Variants in RBM26 observed in about 807,000 individuals in gnomAD.
RBM26 encodes the protein RNA-binding protein 26.
In RBM26, 30 loss-of-function variants were observed where a neutral mutation model predicts 123.6. That is an observed-to-expected ratio of 0.24 (90% CI 0.18 to 0.33). The LOEUF is 0.33. Ranked by LOEUF, RBM26 falls within the 10% of genes least tolerant of loss-of-function variation. The probability of loss-of-function intolerance (pLI) is 1.00; values close to 1 mark genes in which losing one functional copy is unlikely to be tolerated. For missense variants in RBM26, 947 were observed against 1,203.6 expected (o/e 0.79, Z 3.15); for synonymous variants, 400 against 404.4 (o/e 0.99, Z 0.13).
chr13:79,378,975 C>T (rs948022741), intron 1 of RBM26, 68 bp from the exon 2 acceptor site: 90 of 955,170 alleles, frequency 9.4e-5, no homozygotes, highest in Non-Finnish European at 1.4e-4. Flanking sequence ...CAGTTACAAA[C>T]TGAATTAGTG....
intron 1 of RBM26, chr13:79,389,555 G>A (rs1249627959): frequency 2.6e-5 from 4 of 152,186 alleles, no homozygotes; most frequent in South Asian, 2.1e-4. Context: ...TCTCATCCAT[G>A]TACTAACCAA....
At chr13:79,394,795 G>A (rs749078945) in intron 1 of RBM26, among the ~76,000 whole-genome samples, 17 of 152,038 alleles carry the variant, frequency 1.1e-4, no homozygotes, top group Non-Finnish European at 1.5e-4. Context: ...AACAACACCC[G>A]GCTAATTTTT....
chr13:79,344,490 G>A (rs935911309), intron 15 of RBM26, among the ~76,000 whole-genome samples, 168 bp from the exon 16 acceptor site: 2 of 151,978 alleles, frequency 1.3e-5, no homozygotes, highest in Admixed American at 6.6e-5. Context: ...ATTAATCACA[G>A]GAACCTTTCT....
intron 21 of RBM26, among the ~76,000 whole-genome samples, chr13:79,321,210 G>C (rs2067639719): frequency 6.6e-6 from 1 of 151,104 alleles, no homozygotes; most frequent in African/African-American, 2.4e-5. Flanking sequence ...TTCTCAGACT[G>C]CTATTTCAAA....
At position 79,322,335 on chromosome 13, in the gene RBM26, A is replaced by G. The variant is rs773072368; in HGVS notation, c.2934+14T>C. 6 of 1,504,732 alleles carry G rather than the reference A, an allele frequency of 4.0e-6. No individual in the cohort carries two copies. The highest frequency in any genetic ancestry group is 2.3e-5 in the Admixed American group (1 of 43,814). The allele number at this position is 1,504,732 out of a possible 1,614,324, so 93.2% of individuals were successfully genotyped here. A position where few individuals can be genotyped will look rare whatever the true frequency, so the allele number is the denominator to read the frequency against. On this transcript the variant is annotated intron_variant, in intron 21 of 21. Transcript: ENST00000438737. The stretch of plus-strand genomic sequence containing the variant: ...CGATTAAGGGTAAAAATAAGTGGAA[A>G]AAAAATAACATACTTCTTCTTCATC...
At chr13:79,371,776 G>T (rs1443077528) in intron 4 of RBM26, 66 bp downstream of exon 4, 32 of 1,157,862 alleles carry the variant, frequency 2.8e-5, no homozygotes, top group Non-Finnish European at 3.9e-5. Flanking sequence ...GATAACCCAA[G>T]TCTAAACATT....
rs2075250314 is a variant in RBM26 at position 79,366,158 on chromosome 13, G to A, written c.1173C>T (p.Gly391=). The part of the protein sequence containing the change: ...PPPLPPLQPS[G]MDAPPNSATS... ...TTGCAGAGTTTGGAGGAGCATCCATGCCAGATGGCTGCAAAGGAGGAAGTG... is the reference window on the plus strand; with the variant it reads ...TTGCAGAGTTTGGAGGAGCATCCATACCAGATGGCTGCAAAGGAGGAAGTG... The change falls in exon 8 of 22, where the codon GGC becomes GGT. Residue 391 remains glycine (G), a synonymous_variant. Transcript: ENST00000438737. 2 of 1,613,484 alleles carry A rather than the reference G, an allele frequency of 1.2e-6. No individual in the cohort carries two copies. The highest frequency in any genetic ancestry group is 1.7e-6 in the Non-Finnish European group (2 of 1,179,470).
intron 14 of RBM26, among the ~76,000 whole-genome samples, chr13:79,347,034 A>G (rs1364894941): frequency 2.0e-5 from 3 of 152,234 alleles, no homozygotes; most frequent in Admixed American, 6.5e-5. Flanking sequence ...CATATAATTT[A>G]TTTAACCAAG....
At chr13:79,374,101 G>A (rs189123741) in intron 3 of RBM26, among the ~76,000 whole-genome samples, 1 of 152,148 alleles carries the variant, frequency 6.6e-6, no homozygotes, top group Non-Finnish European at 1.5e-5. Flanking sequence ...GGTAGTCTAC[G>A]CACAGGGTAC....
At chr13:79,403,979 G>A (rs949235229) in intron 1 of RBM26, among the ~76,000 whole-genome samples, 2 of 150,674 alleles carry the variant, frequency 1.3e-5, no homozygotes, top group African/African-American at 4.9e-5. Context: ...TCCTGCCTCA[G>A]TACTAGGCCC....
chr13:79,351,612 GA>G (rs1170473385), intron 14 of RBM26, among the ~76,000 whole-genome samples: 5 of 127,280 alleles, frequency 3.9e-5, no homozygotes, highest in African/African-American at 8.7e-5. Flanking sequence ...GGCGGGGGGG[GA>G]AATGCACTCC....
chr13:79,375,890 C>A lies in RBM26; in HGVS notation c.327+1489G>T, dbSNP rs552575289. Among the ~76,000 whole-genome samples the A allele has an allele frequency of 5.3e-5, 8 of 151,962 alleles. 1 individual carries two copies. In the South Asian group the frequency reaches 1.7e-3, roughly 32 times the overall value. On this transcript the variant is annotated intron_variant, in intron 3 of 21. Transcript: ENST00000438737. ...TCACAACATCAACATCTCTTACAAT[C>A]TCAAAAATGACAGCAGCTACCATTT...
intron 9 of RBM26, among the ~76,000 whole-genome samples, chr13:79,362,336 C>A (rs530662184): frequency 6.6e-6 from 1 of 152,116 alleles, no homozygotes; most frequent in African/African-American, 2.4e-5. Context: ...ATTCTTTCCA[C>A]TAAACTTATT....
chr13:79,371,936 T>TTAAA lies in RBM26; in HGVS notation c.328-7_328-6insTTTA. 1 of 1,300,328 alleles carries TTAAA rather than the reference T, an allele frequency of 7.7e-7. No individual in the cohort carries two copies. The allele number at this position is 1,300,328 out of a possible 1,614,324, so 80.5% of individuals were successfully genotyped here. ...CGCTCTTCCTCCTTAGTGATCTGATTAAAAAAAAAAAAAAAAGTGTACAAG... is the reference window on the plus strand; with the variant it reads ...CGCTCTTCCTCCTTAGTGATCTGATTTAAAAAAAAAAAAAAAAAAAGTGTACAAG... On this transcript the variant is annotated splice_polypyrimidine_tract_variant and splice_region_variant and intron_variant, in intron 3 of 21. Transcript: ENST00000438737.
At chr13:79,328,625 T>G (rs1341940581) in intron 20 of RBM26, among the ~76,000 whole-genome samples, 3 of 123,550 alleles carry the variant, frequency 2.4e-5, no homozygotes, top group African/African-American at 9.6e-5. Context: ...AAATGAAAAT[T>G]CATAAAAATA....
chr13:79,362,511 G>GT (rs1469011949), intron 9 of RBM26, among the ~76,000 whole-genome samples: 1 of 152,102 alleles, frequency 6.6e-6, no homozygotes, highest in Non-Finnish European at 1.5e-5. Context: ...TACATAGGCT[G>GT]TATCTATTCT....
chr13:79,363,215 A>C (rs568714935), intron 9 of RBM26, among the ~76,000 whole-genome samples: 2 of 152,348 alleles, frequency 1.3e-5, no homozygotes, highest in South Asian at 4.1e-4. Context: ...AGTAAGCATA[A>C]AAGTTTAACT....
chr13:79,392,017 CATT>C (rs1422479688), intron 1 of RBM26, among the ~76,000 whole-genome samples: 18 of 83,672 alleles, frequency 2.2e-4, no homozygotes, highest in South Asian at 5.5e-4. Flanking sequence ...ATATATTATA[CATT>C]ATTATATAAT....
intron 8 of RBM26, 168 bp from the exon 9 acceptor site, chr13:79,365,886 G>GA (rs2075214538): frequency 4.2e-6 from 4 of 954,934 alleles, no homozygotes; most frequent in Non-Finnish European, 6.1e-6. Context: ...AAAAGAAAAT[G>GA]TTTTTTTGAA....
Sources: allele counts gnomAD v4.1 joint callset (sites outside exome capture counted in the v4.1 genomes callset), GRCh38; gene constraint gnomAD v4.1.1; transcripts MANE v1.5; gene names NCBI Gene and HGNC (gene_info 2026-07-23, HGNC 2026-07-21).